SNAP25: variants seen among roughly 807,000 people sequenced by gnomAD.
SNAP25 encodes the protein synaptosome associated protein 25, also known as synaptosomal-associated protein 25.
A neutral mutation model predicts 28.7 loss-of-function variants in SNAP25; 3 were observed. The ratio of observed to expected loss-of-function variants is 0.10; its 90% CI spans 0.05 to 0.27. SNAP25 has a LOEUF of 0.27. Ranked by LOEUF, SNAP25 falls within the 10% of genes least tolerant of loss-of-function variation. The probability of loss-of-function intolerance (pLI) is 1.00; values close to 1 mark genes in which losing one functional copy is unlikely to be tolerated. For missense variants in SNAP25, 117 were observed against 278.7 expected (o/e 0.42, Z 4.13); for synonymous variants, 61 against 88.1 (o/e 0.69, Z 1.72).
chr20:10,299,178 A>G, intron 6 of SNAP25, 90 bp from the exon 7 acceptor site: 5 of 1,431,646 alleles, frequency 3.5e-6, no homozygotes, highest in Non-Finnish European at 4.8e-6. Context: ...TGATGCCCAG[A>G]GGACGACAGA....
intron 1 of SNAP25, among the ~76,000 whole-genome samples, chr20:10,269,894 G>A (rs1026661828): frequency 6.6e-6 from 1 of 152,152 alleles, no homozygotes; most frequent in Non-Finnish European, 1.5e-5. Context: ...GATTTGGCCC[G>A]TGGGCCCTAA....
intron 1 of SNAP25, among the ~76,000 whole-genome samples, chr20:10,247,596 A>C (rs193035802): frequency 2.4e-4 from 37 of 152,240 alleles, no homozygotes; most frequent in African/African-American, 8.7e-4. Context: ...TGAAGAGAGC[A>C]CCTTCCATGA....
intron 6 of SNAP25, 114 bp downstream of exon 6, chr20:10,297,164 C>A: frequency 1.6e-6 from 2 of 1,284,216 alleles, no homozygotes; most frequent in Non-Finnish European, 2.0e-6. Context: ...ATCTACATAC[C>A]TGCTAAGTGT....
intron 1 of SNAP25, among the ~76,000 whole-genome samples, chr20:10,273,551 A>G (rs1276022435): frequency 1.1e-4 from 17 of 152,158 alleles, no homozygotes; most frequent in Admixed American, 1.0e-3. Context: ...TGGCTTAACC[A>G]TCCTTTAAGA....
intron 7 of SNAP25, among the ~76,000 whole-genome samples, chr20:10,300,714 C>T (rs1489094395): frequency 6.6e-6 from 1 of 152,118 alleles, no homozygotes; most frequent in South Asian, 2.1e-4. Context: ...GCATATTTTG[C>T]CTGATCAGTA....
intron 1 of SNAP25, among the ~76,000 whole-genome samples, chr20:10,239,006 C>A (rs558889782): frequency 6.6e-6 from 1 of 152,240 alleles, no homozygotes; most frequent in South Asian, 2.1e-4. Flanking sequence ...AGATTCTCTC[C>A]ATCCAACACA....
At chr20:10,256,197 T>A (rs1483085227) in intron 1 of SNAP25, among the ~76,000 whole-genome samples, 1 of 152,210 alleles carries the variant, frequency 6.6e-6, no homozygotes, top group Non-Finnish European at 1.5e-5. Flanking sequence ...TAGGCAAGAA[T>A]GTACTTAAAC....
chr20:10,273,891 C>T (rs1340910691), intron 1 of SNAP25, among the ~76,000 whole-genome samples: 1 of 152,202 alleles, frequency 6.6e-6, no homozygotes, highest in Non-Finnish European at 1.5e-5. Flanking sequence ...TTGCCCCCTT[C>T]CCTTCGATGG....
chr20:10,239,491 C>A (rs916650692), intron 1 of SNAP25, among the ~76,000 whole-genome samples: 2 of 152,204 alleles, frequency 1.3e-5, no homozygotes, highest in Admixed American at 1.3e-4. Context: ...TTTTAAACTA[C>A]AAAGTAGACT....
chr20:10,260,724 A>C (rs59726349), intron 1 of SNAP25, among the ~76,000 whole-genome samples: 2,802 of 78,302 alleles, frequency 0.036, 86 homozygotes, highest in African/African-American at 0.11. Flanking sequence ...CACACACACA[A>C]ACACACACAC....
chr20:10,256,887 G>A (rs1376784524), intron 1 of SNAP25, among the ~76,000 whole-genome samples: 1 of 152,154 alleles, frequency 6.6e-6, no homozygotes, highest in Non-Finnish European at 1.5e-5. Context: ...TTTGAGCAAT[G>A]TCTAATATAT....
chr20:10,267,260 T>C (rs1367395712), intron 1 of SNAP25, among the ~76,000 whole-genome samples: 2 of 152,110 alleles, frequency 1.3e-5, no homozygotes, highest in African/African-American at 2.4e-5. Context: ...GCACAATTTA[T>C]AGCAATAAGT....
chr20:10,302,750 T>C (rs557399900), intron 7 of SNAP25, among the ~76,000 whole-genome samples: 4 of 151,230 alleles, frequency 2.6e-5, no homozygotes, highest in South Asian at 4.2e-4. Context: ...ATTCTCCAAA[T>C]ACCAGGAAGA....
At chr20:10,272,107 G>A (rs576442923) in intron 1 of SNAP25, among the ~76,000 whole-genome samples, 1 of 152,190 alleles carries the variant, frequency 6.6e-6, no homozygotes, top group Non-Finnish European at 1.5e-5. Flanking sequence ...CTAGCCGTTA[G>A]TAGAGGAAAG....
At chr20:10,259,169 T>C (rs1162331655) in intron 1 of SNAP25, among the ~76,000 whole-genome samples, 3 of 152,104 alleles carry the variant, frequency 2.0e-5, no homozygotes, top group Non-Finnish European at 2.9e-5. Context: ...TCAGCAGAGG[T>C]GATAATAATG....
At chr20:10,234,709 T>A (rs1029525429) in intron 1 of SNAP25, among the ~76,000 whole-genome samples, 1 of 152,176 alleles carries the variant, frequency 6.6e-6, no homozygotes, top group Non-Finnish European at 1.5e-5. Context: ...GTTATGTCAG[T>A]ATTTGGGGAA....
chr20:10,243,643 T>A (rs2063074377), intron 1 of SNAP25, among the ~76,000 whole-genome samples: 1 of 152,104 alleles, frequency 6.6e-6, no homozygotes, highest in Non-Finnish European at 1.5e-5. Context: ...GGGTTATGGG[T>A]TTTTGGAAAG....
intron 1 of SNAP25, among the ~76,000 whole-genome samples, chr20:10,225,656 C>G (rs1018336044): frequency 2.6e-5 from 4 of 152,120 alleles, no homozygotes; most frequent in African/African-American, 9.7e-5. Flanking sequence ...ACTGTTGGCA[C>G]TTTCTGCTGA....
chr20:10,286,924 C>T (rs1159995345), intron 4 of SNAP25, among the ~76,000 whole-genome samples: 1 of 152,108 alleles, frequency 6.6e-6, no homozygotes, highest in Non-Finnish European at 1.5e-5. Flanking sequence ...GACTTGTTGG[C>T]TGGATCTGTG....
Sources: gnomAD v4.1 joint callset for allele counts (sites outside exome capture counted in the v4.1 genomes callset) on GRCh38, gnomAD v4.1.1 for gene constraint, MANE v1.5 for transcripts, NCBI Gene and HGNC (gene_info 2026-07-23, HGNC 2026-07-21) for gene names.